Variants in ZNF699 observed in about 807,000 individuals in gnomAD.
ZNF699 encodes hangover homolog.
A neutral mutation model predicts 22.5 loss-of-function variants in ZNF699; 18 were observed. The ratio of observed to expected loss-of-function variants is 0.80; its 90% CI spans 0.55 to 1.19. The LOEUF is 1.19. Among genes scored for constraint, ZNF699 ranks in the 50% most tolerant of loss-of-function variants. The pLI is 0.00. For missense variants in ZNF699, 670 were observed against 763.4 expected, an observed-to-expected ratio of 0.88 and a Z score of 1.44; for synonymous variants, 241 against 262.3, an observed-to-expected ratio of 0.92 and a Z score of 0.78.
rs1284918175 is a variant in ZNF699, at chr19:9,297,825, T to A, written c.286+55A>T. On this transcript the variant is annotated intron_variant, in intron 4 of 5. Coordinates refer to ENST00000591998, the MANE Select transcript of ZNF699 (RefSeq NM_198535.3). This position sits in a 1 kb window ranked among gnomAD's most constrained non-coding sequence, Gnocchi z 4.3. ...TAAAACAAAGTTTGTTTTTGTTTTT[T>A]ACTTTAAGTTTATTTTTTCCCCCAA... The A allele has an allele frequency of 7.1e-7, 1 of 1,404,914 alleles. No homozygotes were observed. The highest frequency in any genetic ancestry group is 1.4e-5 in the African/African-American group (1 of 69,986). 87.0% of individuals were successfully genotyped at this position (1,404,914 alleles called of 1,614,324 possible). A position where few individuals can be genotyped will look rare whatever the true frequency, so the allele number is the denominator to read the frequency against.
In ZNF699 at chr19:9,296,644, T is replaced by C; in HGVS notation, c.760A>G (p.Lys254Glu). 3 of 1,614,170 alleles carry C rather than the reference T, an allele frequency of 1.9e-6. No individual in the cohort carries two copies. Among genetic ancestry groups the C allele is most frequent in the Non-Finnish European group, 2.5e-6 (3 of 1,180,040 alleles). ...CAGCTGAAGGCTTTGGTACATTCCT[T>C]ACATTCATAGGGCTTCTCTTCAGTG... ...TPTEEKPYEC[K>E]ECTKAFSCSS... is the part of the protein sequence containing the mutation. The change falls in exon 6 of 6, where the codon AAG (lysine) becomes GAG (glutamate). Residue 254 changes from lysine to glutamate, a missense_variant. Transcript: ENST00000591998.
At position 9,297,522 on chromosome 19, in the gene ZNF699, T is replaced by C. The variant is rs748004385; in HGVS notation, c.287-43A>G. ...GAAAGCTTCCATGAGCCAAGGACTT[T>C]TAGCAGAGTGACTATTTCAGGACTT... On this transcript the variant is annotated intron_variant, in intron 4 of 5. Coordinates refer to ENST00000591998, the MANE Select transcript of ZNF699 (RefSeq NM_198535.3). The surrounding 1 kb of genome is among the most constrained non-coding windows in gnomAD (Gnocchi z 4.3). 2.7e-6 allele frequency: 4 copies of C among 1,492,814 alleles called. No homozygotes were observed. Among genetic ancestry groups the C allele is most frequent in the Non-Finnish European group, 3.6e-6 (4 of 1,119,736 alleles). 92.5% of individuals were successfully genotyped at this position (1,492,814 alleles called of 1,614,324 possible). A position where few individuals can be genotyped will look rare whatever the true frequency, so the allele number is the denominator to read the frequency against.
Position 9,297,371 on chromosome 19 carries a change from C to G in ZNF699, c.395G>C (p.Trp132Ser). 1 of 1,603,090 alleles carries G rather than the reference C, an allele frequency of 6.2e-7. No individual in the cohort carries two copies. Among genetic ancestry groups the G allele is most frequent in the Non-Finnish European group, 8.5e-7 (1 of 1,178,102 alleles). ...CTGGTTTTCATGTAAACTGGAGAAC[C>G]AGGAATCATTCCTTTTGAATCTTAC... ...KIVRFKRNDS[W>S]FSSLHENQES... Residue 132 changes from tryptophan (W) to serine (S), a missense_variant, in exon 5 of 6, where the codon TGG (tryptophan) becomes TCG (serine). Coordinates refer to ENST00000591998, the MANE Select transcript of ZNF699 (RefSeq NM_198535.3). This position sits in a 1 kb window ranked among gnomAD's most constrained non-coding sequence, Gnocchi z 4.3.
chr19:9,299,858 CAAT>C lies in ZNF699; in HGVS notation c.176-1871_176-1869del, dbSNP rs113057522. Among the ~76,000 whole-genome samples, 8 of 131,562 alleles carry C rather than the reference CAAT, an allele frequency of 6.1e-5. No individual in the cohort carries two copies. In the East Asian group the frequency reaches 9.0e-4, roughly 15 times the overall value. The allele number at this position is 131,562 out of a possible 152,430, so 86.3% of individuals were successfully genotyped here. A position where few individuals can be genotyped will look rare whatever the true frequency, so the allele number is the denominator to read the frequency against. On this transcript the variant is annotated intron_variant, in intron 3 of 5. Transcript: ENST00000591998. The stretch of plus-strand genomic sequence containing the variant: ...TATTCAAAGAACTCTTAAAACTCAA[CAAT>C]GTTTAAAAAAAAAAAAGACAAAAAA...
chr19:9,292,921 G>A lies in ZNF699; in HGVS notation c.*2554C>T, dbSNP rs1568343788. On this transcript the variant is annotated 3_prime_UTR_variant, in exon 6 of 6. Transcript: ENST00000591998. ...AGGCCGAGGTGGGCAGATCACCTGAGGTCAGGAGTTCAAGACCAACCTGGC... is the reference window on the plus strand; with the variant it reads ...AGGCCGAGGTGGGCAGATCACCTGAAGTCAGGAGTTCAAGACCAACCTGGC... 6.6e-6 allele frequency among the ~76,000 whole-genome samples: 1 copy of A among 151,566 alleles called. No homozygotes were observed. Among genetic ancestry groups the A allele is most frequent in the Admixed American group, 6.6e-5 (1 of 15,232 alleles).
At chr19:9,298,167 G>C (rs1202041860) in intron 3 of ZNF699, among the ~76,000 whole-genome samples, 177 bp from the exon 4 acceptor site, 1 of 151,876 alleles carries the variant, frequency 6.6e-6, no homozygotes, top group African/African-American at 2.4e-5. Context: ...GAGGTGGCAG[G>C]TTGGGTGCGG....
chr19:9,297,557 T>G lies in ZNF699; in HGVS notation c.287-78A>C. The G allele has an allele frequency of 7.6e-6, 9 of 1,179,356 alleles. No individual in the cohort carries two copies. Among genetic ancestry groups the G allele is most frequent in the Non-Finnish European group, 9.5e-6 (8 of 844,570 alleles). The allele number at this position is 1,179,356 out of a possible 1,614,324, so 73.1% of individuals were successfully genotyped here. ...GACTATTTCAGGACTTTGGTATTAA[T>G]AGGCACAAGGGTCAAAATGGTAAGC... On this transcript the variant is annotated intron_variant, in intron 4 of 5. Coordinates refer to ENST00000591998, the MANE Select transcript of ZNF699 (RefSeq NM_198535.3). The surrounding 1 kb of genome is among the most constrained non-coding windows in gnomAD (Gnocchi z 4.3).
chr19:9,293,360 A>G lies in ZNF699; in HGVS notation c.*2115T>C, dbSNP rs2066273205. Among the ~76,000 whole-genome samples the G allele has an allele frequency of 2.0e-5, 3 of 152,180 alleles. No individual in the cohort carries two copies. The highest frequency in any genetic ancestry group is 7.2e-5 in the African/African-American group (3 of 41,440). On this transcript the variant is annotated 3_prime_UTR_variant, in exon 6 of 6. Coordinates refer to ENST00000591998, the MANE Select transcript of ZNF699 (RefSeq NM_198535.3). ...GTTTTGGGGATTATTCGTGGAATCG[A>G]TATTTTTTGAAAACTGCAATACCTA...
intron 2 of ZNF699, among the ~76,000 whole-genome samples, chr19:9,304,364 A>G (rs1210811622): frequency 6.6e-6 from 1 of 152,092 alleles, no homozygotes; most frequent in Non-Finnish European, 1.5e-5. Flanking sequence ...ATAAAAATAC[A>G]CCGAGAGAAA....
At chr19:9,302,753 C>A (rs1599253315) in intron 2 of ZNF699, among the ~76,000 whole-genome samples, 1 of 152,324 alleles carries the variant, frequency 6.6e-6, no homozygotes, top group East Asian at 1.9e-4. Context: ...CAAATTGGGT[C>A]AAGCCTATAA....
chr19:9,304,940 AC>A, intron 2 of ZNF699, 131 bp downstream of exon 2: 30 of 605,328 alleles, frequency 5.0e-5, no homozygotes, highest in Admixed American at 7.4e-5. Context: ...AAAAAAAAAA[AC>A]TATAGCCTTC....
rs1430989402 is a variant in ZNF699, at chr19:9,295,413, T to TG, written c.*61_*62insC. On this transcript the variant is annotated 3_prime_UTR_variant, in exon 6 of 6. Coordinates refer to ENST00000591998, the MANE Select transcript of ZNF699 (RefSeq NM_198535.3). Reference sequence around the variant, plus strand: ...TTACATTCATAGGGTGTCTCCACAGTATGAGATCTCACATGTTGCCTAGGA... The same window carrying TG: ...TTACATTCATAGGGTGTCTCCACAGTGATGAGATCTCACATGTTGCCTAGGA... The TG allele has an allele frequency of 3.3e-6, 5 of 1,530,808 alleles. No individual in the cohort carries two copies. In the East Asian group the frequency reaches 1.1e-4, roughly 34 times the overall value. 94.8% of individuals were successfully genotyped at this position (1,530,808 alleles called of 1,614,324 possible).
chr19:9,308,309 C>T (rs989203368), intron 1 of ZNF699, among the ~76,000 whole-genome samples: 15 of 150,992 alleles, frequency 9.9e-5, no homozygotes, highest in African/African-American at 3.4e-4. Context: ...AGCAACAGGG[C>T]ATAAACAACA....
chr19:9,308,362 T>C (rs2066335214), intron 1 of ZNF699, among the ~76,000 whole-genome samples: 1 of 151,852 alleles, frequency 6.6e-6, no homozygotes, highest in Non-Finnish European at 1.5e-5. Context: ...TAATTACAGA[T>C]ATCATAAGGA....
rs754254081 is a variant in ZNF699, at chr19:9,297,454, A to C, written c.312T>G (p.Asn104Lys). The C allele has an allele frequency of 1.3e-6, 2 of 1,581,526 alleles. No individual in the cohort carries two copies. The highest frequency in any genetic ancestry group is 1.7e-6 in the Non-Finnish European group (2 of 1,172,294). Residue 104 changes from asparagine (N) to lysine (K), a missense_variant, in exon 5 of 6, where the codon AAT becomes AAG. By Grantham distance (94) the Asn-to-Lys change is moderately conservative (BLOSUM62 0). Transcript: ENST00000591998. The surrounding 1 kb of genome is among the most constrained non-coding windows in gnomAD (Gnocchi z 4.3). Reference protein sequence around the residue: ...REGFETQLKTNESVASQDICG... With the variant: ...REGFETQLKTKESVASQDICG... Reference sequence around the variant, plus strand: ...AAATATCTTGTGAAGCAACTGATTCATTAGTTTTAAGTTGAGTCTCAAAAC... The same window carrying C: ...AAATATCTTGTGAAGCAACTGATTCCTTAGTTTTAAGTTGAGTCTCAAAAC...
intron 1 of ZNF699, among the ~76,000 whole-genome samples, chr19:9,307,665 C>A (rs1031426920): frequency 2.0e-5 from 3 of 152,016 alleles, no homozygotes; most frequent in African/African-American, 7.3e-5. Context: ...AAAATCAGTA[C>A]TGGCCAGGCA....
chr19:9,296,124 G>T lies in ZNF699; in HGVS notation c.1280C>A (p.Ala427Asp). Residue 427 changes from alanine (A) to aspartate (D), a missense_variant, in exon 6 of 6, where the codon GCC (alanine) becomes GAC (aspartate). Physicochemically the swap from Ala to Asp is moderately radical, Grantham distance 126. Coordinates refer to ENST00000591998, the MANE Select transcript of ZNF699 (RefSeq NM_198535.3). Reference protein sequence around the residue: ...KPYECLECGKAFYLPTSLNTH... With the variant: ...KPYECLECGKDFYLPTSLNTH... ...ATTAAGGGAAGTGGGAAGGTAGAAG[G>T]CCTTTCCACATTCCAGACATTCATA... 1 of 1,613,576 alleles carries T rather than the reference G, an allele frequency of 6.2e-7. No individual in the cohort carries two copies. Among genetic ancestry groups the T allele is most frequent in the Non-Finnish European group, 8.5e-7 (1 of 1,179,924 alleles).
At chr19:9,306,907 C>A (rs146711965) in intron 1 of ZNF699, among the ~76,000 whole-genome samples, 1 of 152,310 alleles carries the variant, frequency 6.6e-6, no homozygotes, top group African/African-American at 2.4e-5. Context: ...ATGAAGCATT[C>A]TAATCAAATA....
intron 2 of ZNF699, 90 bp downstream of exon 2, chr19:9,304,982 G>A (rs2066322014): frequency 2.1e-6 from 2 of 968,972 alleles, no homozygotes; most frequent in African/African-American, 1.7e-5. Flanking sequence ...GTCCAATACA[G>A]AAAGAGATTG....
Sources: allele counts gnomAD v4.1 joint callset (sites outside exome capture counted in the v4.1 genomes callset), GRCh38; gene constraint gnomAD v4.1.1; non-coding constraint Gnocchi (gnomAD v3.1); transcripts MANE v1.5; gene names NCBI Gene and HGNC (gene_info 2026-07-23, HGNC 2026-07-21).